Variants in ST6GALNAC3 observed in about 807,000 individuals in gnomAD.
ST6GALNAC3 encodes the protein alpha-N-acetylgalactosaminide alpha-2,6-sialyltransferase 3.
A neutral mutation model predicts 32.7 loss-of-function variants in ST6GALNAC3; 25 were observed. The observed-to-expected ratio is 0.76, with a 90% confidence interval of 0.56 to 1.07. The LOEUF (loss-of-function observed/expected upper bound fraction) is 1.07. Among genes scored for constraint, ST6GALNAC3 ranks in the 50% least tolerant of loss-of-function variants. The pLI, the probability that ST6GALNAC3 is intolerant of heterozygous loss-of-function variation, is 0.00. For synonymous variants in ST6GALNAC3, 129 were observed against 133.1 expected (o/e 0.97, Z 0.21); for missense variants, 355 against 382.4 (o/e 0.93, Z 0.60).
intron 3 of ST6GALNAC3, among the ~76,000 whole-genome samples, chr1:76,508,941 G>C (rs926184789): frequency 3.3e-4 from 51 of 152,314 alleles, no homozygotes; most frequent in African/African-American, 1.2e-3. Flanking sequence ...TGAGTTTAGA[G>C]TGTCAACTTA....
At chr1:76,196,607 A>T (rs982508855) in intron 1 of ST6GALNAC3, among the ~76,000 whole-genome samples, 3 of 152,010 alleles carry the variant, frequency 2.0e-5, no homozygotes, top group African/African-American at 7.2e-5. Context: ...CTGGGATTAC[A>T]GGCTTGTGCC....
chr1:76,410,178 C>A (rs1199528842), intron 2 of ST6GALNAC3, among the ~76,000 whole-genome samples: 3 of 152,150 alleles, frequency 2.0e-5, no homozygotes, highest in African/African-American at 7.2e-5. Context: ...TGAAAGACCC[C>A]AAGTGATTTC....
At chr1:76,408,189 T>C (rs907007355) in intron 2 of ST6GALNAC3, among the ~76,000 whole-genome samples, 5 of 152,068 alleles carry the variant, frequency 3.3e-5, no homozygotes, top group African/African-American at 4.8e-5. Context: ...CCCCACACTC[T>C]TGTCATACTT....
intron 1 of ST6GALNAC3, among the ~76,000 whole-genome samples, chr1:76,278,150 A>G (rs941873929): frequency 7.3e-6 from 1 of 137,264 alleles, no homozygotes; most frequent in Non-Finnish European, 1.5e-5. Flanking sequence ...ACTTATTTAG[A>G]TCTTCACTGT....
chr1:76,456,516 ATTTCT>A (rs1657813719), intron 3 of ST6GALNAC3, among the ~76,000 whole-genome samples: 1 of 152,024 alleles, frequency 6.6e-6, no homozygotes, highest in African/African-American at 2.4e-5. Context: ...GCTAATAGAT[ATTTCT>A]TTTAAGTTTT....
In ST6GALNAC3 at chr1:76,630,180, G is replaced by A; in HGVS notation, c.*1374G>A. 1.0e-6 allele frequency: 1 copy of A among 985,158 alleles called. No homozygotes were observed. The highest frequency in any genetic ancestry group is 1.2e-6 in the Non-Finnish European group (1 of 829,820). 61.0% of individuals were successfully genotyped at this position (985,158 alleles called of 1,614,324 possible). A position where few individuals can be genotyped will look rare whatever the true frequency, so the allele number is the denominator to read the frequency against. On this transcript the variant is annotated 3_prime_UTR_variant, in exon 5 of 5. Transcript: ENST00000328299. The stretch of plus-strand genomic sequence containing the variant: ...TACTTGCTAATATTTGTATAGAATA[G>A]AATTTATGTAAACTAGTAACCAGTT...
intron 1 of ST6GALNAC3, among the ~76,000 whole-genome samples, chr1:76,282,218 G>A (rs908240042): frequency 3.3e-5 from 5 of 151,716 alleles, no homozygotes; most frequent in Non-Finnish European, 7.4e-5. Context: ...GTTATATTAA[G>A]CTTTTGTGAG....
At chr1:76,178,693 T>A (rs1264945789) in intron 1 of ST6GALNAC3, among the ~76,000 whole-genome samples, 1 of 152,112 alleles carries the variant, frequency 6.6e-6, no homozygotes, top group African/African-American at 2.4e-5. Context: ...AGAGGGACAA[T>A]GAATGAGCTT....
At chr1:76,294,179 G>A (rs1660258996) in intron 1 of ST6GALNAC3, among the ~76,000 whole-genome samples, 1 of 152,040 alleles carries the variant, frequency 6.6e-6, no homozygotes, top group Non-Finnish European at 1.5e-5. Flanking sequence ...ATAATGTCAT[G>A]TCTTTACTGC....
At chr1:76,188,483 G>A (rs2100494368) in intron 1 of ST6GALNAC3, among the ~76,000 whole-genome samples, 1 of 152,282 alleles carries the variant, frequency 6.6e-6, no homozygotes, top group East Asian at 1.9e-4. Flanking sequence ...AGGGATTGTT[G>A]TATATGCGAA....
At chr1:76,309,411 C>T (rs953222497) in intron 1 of ST6GALNAC3, among the ~76,000 whole-genome samples, 3 of 152,042 alleles carry the variant, frequency 2.0e-5, no homozygotes, top group African/African-American at 7.2e-5. Flanking sequence ...GTACTTTGTT[C>T]ACTTCCCCAC....
At chr1:76,249,294 T>TATTTTTATA in intron 1 of ST6GALNAC3, among the ~76,000 whole-genome samples, 1 of 152,206 alleles carries the variant, frequency 6.6e-6, no homozygotes, top group South Asian at 2.1e-4. Context: ...CTACTTTCTG[T>TATTTTTATA]CTTTATAAAT....
chr1:76,374,450 A>T (rs1378337557), intron 2 of ST6GALNAC3, among the ~76,000 whole-genome samples: 2 of 152,218 alleles, frequency 1.3e-5, no homozygotes, highest in Admixed American at 1.3e-4. Context: ...CCGGAAGAGG[A>T]AAAACCAAAG....
intron 1 of ST6GALNAC3, among the ~76,000 whole-genome samples, chr1:76,218,790 C>T (rs1301450565): frequency 6.6e-6 from 1 of 152,160 alleles, no homozygotes; most frequent in African/African-American, 2.4e-5. Flanking sequence ...ATGTTTGAAT[C>T]CCAGCTCTGC....
chr1:76,481,800 C>A (rs1409175753), intron 3 of ST6GALNAC3, among the ~76,000 whole-genome samples: 1 of 152,120 alleles, frequency 6.6e-6, no homozygotes, highest in African/African-American at 2.4e-5. Context: ...ATTTTAATAT[C>A]TAAGCATATG....
chr1:76,251,016 C>T (rs924623159), intron 1 of ST6GALNAC3, among the ~76,000 whole-genome samples: 1 of 152,084 alleles, frequency 6.6e-6, no homozygotes, highest in Non-Finnish European at 1.5e-5. Context: ...CCTGAATTTC[C>T]CCGGCCTGTC....
chr1:76,551,917 C>G (rs762446605), intron 3 of ST6GALNAC3, among the ~76,000 whole-genome samples: 2 of 152,172 alleles, frequency 1.3e-5, no homozygotes, highest in African/African-American at 2.4e-5. Context: ...AGTTGCATGT[C>G]AGCTCCACTG....
At chr1:76,259,142 T>G (rs888576204) in intron 1 of ST6GALNAC3, among the ~76,000 whole-genome samples, 4 of 152,184 alleles carry the variant, frequency 2.6e-5, no homozygotes, top group African/African-American at 9.7e-5. Flanking sequence ...TGGTCATGGT[T>G]TCTTTTAGGA....
intron 3 of ST6GALNAC3, among the ~76,000 whole-genome samples, chr1:76,503,697 C>G (rs1488968817): frequency 6.6e-6 from 1 of 152,218 alleles, no homozygotes; most frequent in Non-Finnish European, 1.5e-5. Context: ...TCTAAACATT[C>G]TGTTCATTGC....
Sources: gnomAD v4.1 joint callset for allele counts (sites outside exome capture counted in the v4.1 genomes callset) on GRCh38, gnomAD v4.1.1 for gene constraint, MANE v1.5 for transcripts, NCBI Gene and HGNC (gene_info 2026-07-23, HGNC 2026-07-21) for gene names.